MYH11: variants seen among roughly 807,000 people sequenced by gnomAD.
MYH11 encodes myosin-11.
Under a neutral mutation model 246.6 loss-of-function variants are expected in MYH11, and 80 were observed. The observed-to-expected ratio is 0.32, with a 90% CI of 0.27 to 0.39. MYH11 has a LOEUF of 0.39. Ranked by LOEUF, MYH11 falls within the 10% of genes least tolerant of loss-of-function variation. The pLI is 1.00. For missense variants in MYH11, 2,158 were observed against 2,546.8 expected (o/e 0.85, Z 3.29); for synonymous variants, 1,071 against 1,015.5 (o/e 1.05, Z -1.04).
chr16:15,753,588 T>C (rs1037201685), intron 14 of MYH11, 80 bp from the exon 15 acceptor site: 14 of 1,070,826 alleles, frequency 1.3e-5, no homozygotes, highest in Admixed American at 5.3e-5. Context: ...AGCCCTCCCA[T>C]TGTCCTTCCA....
Position 15,782,413 on chromosome 16 carries a change from G to T in MYH11, c.698C>A (p.Thr233Lys). 6.2e-7 allele frequency: 1 copy of T among 1,614,150 alleles called. No homozygotes were observed. The highest frequency in any genetic ancestry group is 8.5e-7 in the Non-Finnish European group (1 of 1,179,998). The part of the protein sequence containing the change: ...PILEAFGNAK[T>K]VKNDNSSRFG... The stretch of plus-strand genomic sequence containing the variant: ...TCGTGAGGAGTTGTCGTTCTTCACT[G>T]TTTTGGCGTTGCCGAAAGCCTCCAG... Residue 233 changes from threonine (T) to lysine (K), a missense_variant, in exon 6 of 41, where the codon ACA (threonine) becomes AAA (lysine). Coordinates refer to ENST00000300036, the MANE Select transcript of MYH11 (RefSeq NM_002474.3).
chr16:15,738,354 T>TA (rs1299060387), intron 24 of MYH11, among the ~76,000 whole-genome samples: 4 of 150,402 alleles, frequency 2.7e-5, no homozygotes, highest in Admixed American at 1.3e-4. Context: ...AAATAAAAAA[T>TA]AAAAAAAAAT....
At chr16:15,852,756 A>G (rs2044362949) in intron 1 of MYH11, among the ~76,000 whole-genome samples, 1 of 152,170 alleles carries the variant, frequency 6.6e-6, no homozygotes. Context: ...TAATTAGACA[A>G]AAAGTCCAAG....
chr16:15,829,650 G>A (rs758087299), intron 2 of MYH11, among the ~76,000 whole-genome samples: 7 of 152,176 alleles, frequency 4.6e-5, no homozygotes, highest in African/African-American at 7.2e-5. Context: ...TGGGCCCTGT[G>A]CCACCAGCAA....
rs573398305 is a variant in MYH11 at position 15,797,156 on chromosome 16, T to C, written c.530+1504A>G. 7.2e-5 allele frequency among the ~76,000 whole-genome samples: 11 copies of C among 152,350 alleles called. 1 individual carries two copies. The South Asian group carries it at 2.1e-3, about 29-fold the overall frequency. ...GGAGTTTATAATTGCCTTTGTTTTATTGTTTCCAGGTTTTCTATCTATATC... is the reference window on the plus strand; with the variant it reads ...GGAGTTTATAATTGCCTTTGTTTTACTGTTTCCAGGTTTTCTATCTATATC... On this transcript the variant is annotated intron_variant, in intron 4 of 40. Transcript: ENST00000300036.
intron 32 of MYH11, 113 bp downstream of exon 32, chr16:15,721,309 C>T (rs928989253): frequency 7.1e-6 from 9 of 1,268,162 alleles, no homozygotes; most frequent in Admixed American, 5.6e-5. Flanking sequence ...CTTCCATTTC[C>T]GATGATAGTT....
chr16:15,759,196 C>CTTTTT (rs10593456), intron 12 of MYH11, among the ~76,000 whole-genome samples: 1 of 119,420 alleles, frequency 8.4e-6, no homozygotes, highest in Non-Finnish European at 1.7e-5. Flanking sequence ...GAGATATGTG[C>CTTTTT]TTTTTTTTTT....
At position 15,704,633 on chromosome 16, in the gene MYH11, G is replaced by C. The variant is rs72772012; in HGVS notation, c.5787-510C>G. 9.7e-3 allele frequency among the ~76,000 whole-genome samples: 1,477 copies of C among 152,266 alleles called. 17 individuals carry two copies. The highest frequency in any genetic ancestry group is 0.04 in the South Asian group (192 of 4,826). ...GATTTGAATTGGAAGAAGGTGAAAT[G>C]GACAAGGGCAGCCTTGAGAAGGACA... On this transcript the variant is annotated intron_variant, in intron 40 of 40. Transcript: ENST00000300036.
At position 15,747,854 on chromosome 16, in the gene MYH11, T is replaced by C. The variant is rs781421540; in HGVS notation, c.2250+20A>G. The C allele has an allele frequency of 6.2e-7, 1 of 1,613,648 alleles. No individual in the cohort carries two copies. Among genetic ancestry groups the C allele is most frequent in the Admixed American group, 1.7e-5 (1 of 59,934 alleles). The stretch of plus-strand genomic sequence containing the variant: ...TTGCGGCCAGAGGTTGGGAGGTCTC[T>C]GGTGGACTTCTGGGCTCACCATGAG... On this transcript the variant is annotated intron_variant, in intron 18 of 40. Transcript: ENST00000300036.
intron 2 of MYH11, among the ~76,000 whole-genome samples, chr16:15,833,830 G>C (rs951908143): frequency 6.6e-6 from 1 of 152,154 alleles, no homozygotes; most frequent in African/African-American, 2.4e-5. Context: ...GGGAGAGTAA[G>C]TTACTGTGCT....
rs370934806 is a variant in MYH11 at position 15,748,145 on chromosome 16, C to T, written c.2082G>A (p.Leu694=). The change falls in exon 17 of 41, where the codon CTG becomes CTA. Residue 694 remains leucine (L), a synonymous_variant. Coordinates refer to ENST00000300036, the MANE Select transcript of MYH11 (RefSeq NM_002474.3). ...CATTGCACCGCAGCTGCTCCAGCACCAGGAACGCATCCAGCTTGCCGGACT... is the reference window on the plus strand; with the variant it reads ...CATTGCACCGCAGCTGCTCCAGCACTAGGAACGCATCCAGCTTGCCGGACT... ...EKRSGKLDAF[L]VLEQLRCNGV... The T allele has an allele frequency of 5.6e-6, 9 of 1,613,984 alleles. No individual in the cohort carries two copies. The South Asian group carries it at 9.9e-5, about 18-fold the overall frequency.
intron 16 of MYH11, 70 bp from the exon 17 acceptor site, chr16:15,748,238 C>T (rs1291597171): frequency 2.8e-5 from 45 of 1,602,458 alleles, no homozygotes; most frequent in Non-Finnish European, 3.8e-5. Context: ...CCCAAACCTC[C>T]TACCTGGATG....
At chr16:15,727,765 G>A (rs942994302) in intron 27 of MYH11, among the ~76,000 whole-genome samples, 3 of 152,178 alleles carry the variant, frequency 2.0e-5, no homozygotes, top group African/African-American at 7.2e-5. Context: ...TTAAGGCCAG[G>A]AGTACAAGAC....
At chr16:15,825,353 A>G (rs1389365301) in intron 2 of MYH11, among the ~76,000 whole-genome samples, 2 of 149,496 alleles carry the variant, frequency 1.3e-5, no homozygotes, top group Non-Finnish European at 3.0e-5. Flanking sequence ...GTTTGAGACC[A>G]GCTCAGGCAA....
At position 15,756,452 on chromosome 16, in the gene MYH11, G is replaced by A. The variant is rs769457322; in HGVS notation, c.1638C>T (p.Asp546=). The A allele has an allele frequency of 1.2e-6, 2 of 1,614,168 alleles. No individual in the cohort carries two copies. The highest frequency in any genetic ancestry group is 3.3e-5 in the Admixed American group (2 of 60,016). The change falls in exon 14 of 41, where the codon GAC becomes GAT. Residue 546 remains aspartate (D), a synonymous_variant. Transcript: ENST00000300036. The part of the protein sequence containing the change: ...DEECWFPKAT[D]KSFVEKLCTE... ...TGCACAGCTTCTCCACGAAAGACTT[G>A]TCCGTGGCTTTGGGGAACCAGCATT...
At chr16:15,728,899 C>CAA (rs371840626) in intron 27 of MYH11, among the ~76,000 whole-genome samples, 10 of 145,188 alleles carry the variant, frequency 6.9e-5, no homozygotes, top group African/African-American at 2.5e-4. Flanking sequence ...GACTTTGTCT[C>CAA]AAAAAAAAAA....
At chr16:15,781,106 A>C (rs1038059458) in intron 6 of MYH11, among the ~76,000 whole-genome samples, 17 of 152,244 alleles carry the variant, frequency 1.1e-4, no homozygotes, top group Admixed American at 8.5e-4. Context: ...GGGTTTCCCC[A>C]TGTTGCCCAG....
At chr16:15,855,587 T>C (rs943914540) in intron 1 of MYH11, among the ~76,000 whole-genome samples, 1 of 152,218 alleles carries the variant, frequency 6.6e-6, no homozygotes, top group South Asian at 2.1e-4. Context: ...TATGAAGTTG[T>C]TGCAAAGATT....
intron 14 of MYH11, 147 bp downstream of exon 14, chr16:15,756,194 A>G: frequency 1.2e-6 from 1 of 865,742 alleles, no homozygotes; most frequent in Non-Finnish European, 1.9e-6. Flanking sequence ...ACAAATTACG[A>G]ATAGGACTTG....
Sources: gnomAD v4.1 joint callset for allele counts (sites outside exome capture counted in the v4.1 genomes callset) on GRCh38, gnomAD v4.1.1 for gene constraint, MANE v1.5 for transcripts, NCBI Gene and HGNC (gene_info 2026-07-23, HGNC 2026-07-21) for gene names.